RCN3: variants seen among roughly 807,000 people sequenced by gnomAD.
The protein encoded by RCN3 is reticulocalbin 3, also known as reticulocalbin-3.
Under a neutral mutation model 35.9 loss-of-function variants are expected in RCN3, and 41 were observed. The observed-to-expected ratio is 1.14, with a 90% CI of 0.89 to 1.48. The LOEUF (loss-of-function observed/expected upper bound fraction) is 1.48. Ranked by LOEUF, RCN3 falls within the 40% of genes most tolerant of loss-of-function variation. The pLI, the probability that RCN3 is intolerant of heterozygous loss-of-function variation, is 0.00. For missense variants in RCN3, 451 were observed against 471.3 expected (o/e 0.96, Z 0.40); for synonymous variants, 187 against 193.4 (o/e 0.97, Z 0.27).
At position 49,534,924 on chromosome 19, in the gene RCN3, C is replaced by A. The variant is rs1253676651; in HGVS notation, c.445+529C>A. On this transcript the variant is annotated intron_variant, in intron 3 of 6. Transcript: ENST00000270645. ...GTTACTCAGCCCCTGACTCTCAGAT[C>A]CCTCCTTTCTGTCCCAAGTCCCAGC... 8.5e-5 allele frequency among the ~76,000 whole-genome samples: 13 copies of A among 152,104 alleles called. No homozygotes were observed. The East Asian group carries it at 2.5e-3, about 29-fold the overall frequency.
At chr19:49,539,691 T>C (rs1358088350) in intron 5 of RCN3, among the ~76,000 whole-genome samples, 1 of 151,586 alleles carries the variant, frequency 6.6e-6, no homozygotes, top group Non-Finnish European at 1.5e-5. Flanking sequence ...GGGCAAAAAA[T>C]TTAGTCAAGG....
At chr19:49,531,383 C>A (rs975635955) in intron 2 of RCN3, among the ~76,000 whole-genome samples, 15 of 152,178 alleles carry the variant, frequency 9.9e-5, no homozygotes, top group African/African-American at 3.6e-4. Context: ...GAGTCCAAAG[C>A]GGGCGGATTG....
chr19:49,528,571 G>C lies in RCN3; in HGVS notation c.99G>C (p.Arg33Ser). 6.2e-7 allele frequency: 1 copy of C among 1,606,978 alleles called. No homozygotes were observed. Among genetic ancestry groups the C allele is most frequent in the Non-Finnish European group, 8.5e-7 (1 of 1,176,838 alleles). ...ACGCAGGCCCTCATGGCCAGGGGAG[G>C]GTGCACCAGGCGGCCCCCCTGAGCG... ...SPDAGPHGQG[R>S]VHQAAPLSDA... The change falls in exon 2 of 7, where the codon AGG (arginine) becomes AGC (serine). Residue 33 changes from arginine (R) to serine (S), a missense_variant. By Grantham distance (110) the Arg-to-Ser change is moderately radical (BLOSUM62 -1). Coordinates refer to ENST00000270645, the MANE Select transcript of RCN3 (RefSeq NM_020650.3).
At chr19:49,542,488 AG>A in intron 5 of RCN3, 64 bp from the exon 6 acceptor site, 1 of 1,183,996 alleles carries the variant, frequency 8.4e-7, no homozygotes, top group Non-Finnish European at 1.2e-6. Flanking sequence ...AGCCAGGATC[AG>A]CCCCCAGCTC....
chr19:49,532,802 A>G (rs2080115380), intron 2 of RCN3, among the ~76,000 whole-genome samples: 1 of 152,098 alleles, frequency 6.6e-6, no homozygotes, highest in South Asian at 2.1e-4. Flanking sequence ...CAGCCTCCAG[A>G]GTAGCTGGGA....
chr19:49,542,935 C>T (rs528065523), intron 6 of RCN3, among the ~76,000 whole-genome samples, 171 bp from the exon 7 acceptor site: 26 of 150,804 alleles, frequency 1.7e-4, no homozygotes, highest in South Asian at 8.3e-4. Flanking sequence ...GACAGAGACC[C>T]AGAGACCCAA....
chr19:49,537,243 T>C, intron 4 of RCN3, 38 bp downstream of exon 4: 1 of 1,420,830 alleles, frequency 7.0e-7, no homozygotes, highest in Non-Finnish European at 9.3e-7. Context: ...CCCACACCCT[T>C]CCGGGGACCC....
Position 49,543,497 on chromosome 19 carries a change from A to C in RCN3, c.*284A>C, listed in dbSNP as rs1601222566. 1 of 436,346 alleles carries C rather than the reference A, an allele frequency of 2.3e-6. No homozygotes were observed. The allele number at this position is 436,346 out of a possible 1,614,324, so 27.0% of individuals were successfully genotyped here. Reference sequence around the variant, plus strand: ...CTTGGCCCCAAGCTCAGCTCTAAGAACCGCCCCAACCCCTCCAGCTCCAAA... The same window carrying C: ...CTTGGCCCCAAGCTCAGCTCTAAGACCCGCCCCAACCCCTCCAGCTCCAAA... On this transcript the variant is annotated 3_prime_UTR_variant, in exon 7 of 7. Transcript: ENST00000270645.
chr19:49,539,796 C>G (rs73582482), intron 5 of RCN3, among the ~76,000 whole-genome samples: 15,279 of 144,522 alleles, frequency 0.11, 1,014 homozygotes, highest in African/African-American at 0.19. Context: ...GGTATCGGCT[C>G]TCTGCAACCT....
chr19:49,542,605 G>A lies in RCN3; in HGVS notation c.732G>A (p.Thr244=), dbSNP rs1217586397. Residue 244 remains threonine, a synonymous_variant, in exon 6 of 7, where the codon ACG becomes ACA. Coordinates refer to ENST00000270645, the MANE Select transcript of RCN3 (RefSeq NM_020650.3). ...PGEEEPAWVQ[T]ERQQFRDFRD... ...AGGAGGAGCCGGCGTGGGTGCAGACGGAGAGGCAGCAGTTCCGGGACTTCC... is the reference window on the plus strand; with the variant it reads ...AGGAGGAGCCGGCGTGGGTGCAGACAGAGAGGCAGCAGTTCCGGGACTTCC... 6 of 1,609,408 alleles carry A rather than the reference G, an allele frequency of 3.7e-6. No individual in the cohort carries two copies. The highest frequency in any genetic ancestry group is 2.2e-5 in the East Asian group (1 of 44,756).
chr19:49,535,680 C>A (rs1004363905), intron 3 of RCN3, among the ~76,000 whole-genome samples: 1 of 151,622 alleles, frequency 6.6e-6, no homozygotes, highest in Admixed American at 6.6e-5. Context: ...GGCAAAACCC[C>A]GTCTTACCAC....
chr19:49,539,433 T>C (rs997508790), intron 5 of RCN3, among the ~76,000 whole-genome samples: 19 of 152,104 alleles, frequency 1.2e-4, no homozygotes, highest in Non-Finnish European at 2.9e-5. Context: ...GAGCACCTAC[T>C]GCATATGGGT....
At chr19:49,531,296 G>C (rs916546035) in intron 2 of RCN3, among the ~76,000 whole-genome samples, 2 of 152,208 alleles carry the variant, frequency 1.3e-5, no homozygotes, top group Non-Finnish European at 2.9e-5. Flanking sequence ...TCCAGCCTAA[G>C]CAACAGAGCA....
intron 5 of RCN3, among the ~76,000 whole-genome samples, chr19:49,540,111 C>T (rs2080156274): frequency 6.6e-6 from 1 of 151,672 alleles, no homozygotes; most frequent in Non-Finnish European, 1.5e-5. Flanking sequence ...TTCTTTCTTT[C>T]CTTCTCTCAC....
chr19:49,537,512 C>CT (rs542405486), intron 4 of RCN3, among the ~76,000 whole-genome samples: 13,216 of 146,076 alleles, frequency 0.09, 691 homozygotes, highest in African/African-American at 0.14. Context: ...TCTTTTCTTT[C>CT]TTTTTTTTTT....
intron 4 of RCN3, among the ~76,000 whole-genome samples, chr19:49,537,795 G>A (rs1022495815): frequency 2.7e-5 from 4 of 149,062 alleles, no homozygotes; most frequent in Admixed American, 6.7e-5. Flanking sequence ...CACCGTGCCC[G>A]GCCAATTTTT....
intron 2 of RCN3, 89 bp from the exon 3 acceptor site, chr19:49,534,104 T>C (rs1223414008): frequency 1.6e-6 from 2 of 1,244,872 alleles, no homozygotes; most frequent in Non-Finnish European, 1.1e-6. Flanking sequence ...CAGCCCCGGA[T>C]CCGAAGTGTC....
chr19:49,536,288 CTTTTTTTTT>C (rs968434638), intron 3 of RCN3, among the ~76,000 whole-genome samples: 4 of 70,804 alleles, frequency 5.6e-5, no homozygotes, highest in Admixed American at 1.7e-4. Context: ...ACCCGGCCTA[CTTTTTTTTT>C]TTTTTTTTTT....
At chr19:49,530,165 CTT>C (rs1372486487) in intron 2 of RCN3, among the ~76,000 whole-genome samples, 5 of 140,184 alleles carry the variant, frequency 3.6e-5, no homozygotes, top group Non-Finnish European at 4.7e-5. Flanking sequence ...TTTTTCTTTC[CTT>C]TTTTTTTTTT....
Sources: gnomAD v4.1 joint callset for allele counts (sites outside exome capture counted in the v4.1 genomes callset) on GRCh38, gnomAD v4.1.1 for gene constraint, MANE v1.5 for transcripts, NCBI Gene and HGNC (gene_info 2026-07-23, HGNC 2026-07-21) for gene names.